Variants in MOXD1 observed in about 807,000 individuals in gnomAD.
The protein encoded by MOXD1 is monooxygenase DBH like 1.
MOXD1 carries 62 observed loss-of-function variants against 66.6 expected under a neutral mutation model. That is an observed-to-expected ratio of 0.93 (90% CI 0.76 to 1.15). The LOEUF (loss-of-function observed/expected upper bound fraction) is 1.15, where lower values mean the gene tolerates loss of function less well. Ranked by LOEUF, MOXD1 falls within the 50% of genes most tolerant of loss-of-function variation. The pLI, the probability that MOXD1 is intolerant of heterozygous loss-of-function variation, is 0.00. For synonymous variants in MOXD1, 303 were observed against 281.9 expected (o/e 1.07, Z -0.75); for missense variants, 847 against 754.6 (o/e 1.12, Z -1.44).
intron 1 of MOXD1, chr6:132,391,317 A>G (rs1183424442): frequency 6.6e-6 from 1 of 152,234 alleles, no homozygotes; most frequent in Non-Finnish European, 1.5e-5. Context: ...AATCTGATCT[A>G]TACATTATTT....
intron 4 of MOXD1, among the ~76,000 whole-genome samples, chr6:132,339,509 A>G (rs530529151): frequency 6.6e-6 from 1 of 152,332 alleles, no homozygotes; most frequent in Admixed American, 6.5e-5. Flanking sequence ...AGAGAAGCTA[A>G]AGCTATATAA....
At chr6:132,371,880 T>C (rs190501823) in intron 4 of MOXD1, among the ~76,000 whole-genome samples, 3 of 152,338 alleles carry the variant, frequency 2.0e-5, no homozygotes. Flanking sequence ...TAATTCTATC[T>C]TATTCTTTCT....
chr6:132,315,503 C>A, intron 10 of MOXD1, 132 bp downstream of exon 10: 1 of 1,065,592 alleles, frequency 9.4e-7, no homozygotes, highest in East Asian at 2.5e-5. Context: ...TTGGTCTCCC[C>A]AGTTAAAAGT....
In MOXD1 at chr6:132,359,411, G is replaced by A. The variant is rs544871966; in HGVS notation, c.663+13197C>T. 3.3e-5 allele frequency among the ~76,000 whole-genome samples: 5 copies of A among 151,644 alleles called. No homozygotes were observed. In the South Asian group the frequency reaches 8.3e-4, roughly 25 times the overall value. The stretch of plus-strand genomic sequence containing the variant: ...AAGAACTAAATGGTTACATGCACAT[G>A]TGTGCAATTAAGAGGCTGGTTTTAT... On this transcript the variant is annotated intron_variant, in intron 4 of 11. Transcript: ENST00000367963.
chr6:132,341,527 A>T (rs1053077476), intron 4 of MOXD1, among the ~76,000 whole-genome samples: 1 of 152,186 alleles, frequency 6.6e-6, no homozygotes, highest in Non-Finnish European at 1.5e-5. Context: ...AATCTGACCA[A>T]TCATATTCAA....
At chr6:132,378,996 C>T (rs549051027) in intron 1 of MOXD1, among the ~76,000 whole-genome samples, 27 of 145,782 alleles carry the variant, frequency 1.9e-4, no homozygotes, top group African/African-American at 6.7e-4. Flanking sequence ...TTACTGCAAC[C>T]TCCGCCTCCT....
At chr6:132,346,030 T>A (rs1398514328) in intron 4 of MOXD1, among the ~76,000 whole-genome samples, 1 of 152,062 alleles carries the variant, frequency 6.6e-6, no homozygotes, top group Admixed American at 6.6e-5. Flanking sequence ...GTTGTGGGTC[T>A]GTTTTTTTGT....
At position 132,372,868 on chromosome 6, in the gene MOXD1, A is replaced by G. The variant is rs754064664; in HGVS notation, c.541T>C (p.Ser181Pro). Residue 181 changes from serine (S) to proline (P), a missense_variant, in exon 3 of 12, where the codon TCT (serine) becomes CCT (proline). By Grantham distance (74) the Ser-to-Pro change is moderately conservative. Coordinates refer to ENST00000367963, the MANE Select transcript of MOXD1 (RefSeq NM_015529.4). ...LLNPEKTSVLSTALPYFDLVN... is the reference protein window; with the variant it reads ...LLNPEKTSVLPTALPYFDLVN... ...AGATCAAAGTATGGTAAGGCTGTAG[A>G]TAGCACACTAGTTTTCTCAGGATTC... 1.2e-6 allele frequency: 2 copies of G among 1,614,100 alleles called. No homozygotes were observed. Among genetic ancestry groups the G allele is most frequent in the Non-Finnish European group, 1.7e-6 (2 of 1,179,942 alleles).
At chr6:132,390,590 T>C (rs1424143360) in intron 1 of MOXD1, 1 of 151,636 alleles carries the variant, frequency 6.6e-6, no homozygotes, top group Non-Finnish European at 1.5e-5. Context: ...CATCTCGAAG[T>C]GTTCAATAAA....
Position 132,328,034 on chromosome 6 carries a change from C to G in MOXD1, c.925G>C (p.Asp309His). 1 of 1,612,942 alleles carries G rather than the reference C, an allele frequency of 6.2e-7. No individual in the cohort carries two copies. The highest frequency in any genetic ancestry group is 8.5e-7 in the Non-Finnish European group (1 of 1,179,030). Residue 309 changes from aspartate (D) to histidine (H), a missense_variant, in exon 6 of 12, where the codon GAT (aspartate) becomes CAT (histidine). Physicochemically the swap from Asp to His is moderately conservative, Grantham distance 81 (BLOSUM62 -1). Coordinates refer to ENST00000367963, the MANE Select transcript of MOXD1 (RefSeq NM_015529.4). ...PHYVLLEVHY[D>H]NPTYEEGLID... Reference sequence around the variant, plus strand: ...TCACCTTCCTCATAAGTGGGATTATCATAATGGACTTCTAGGAGCACATAA... The same window carrying G: ...TCACCTTCCTCATAAGTGGGATTATGATAATGGACTTCTAGGAGCACATAA...
At chr6:132,344,373 T>G (rs970758503) in intron 4 of MOXD1, among the ~76,000 whole-genome samples, 10 of 152,174 alleles carry the variant, frequency 6.6e-5, no homozygotes, top group African/African-American at 2.2e-4. Flanking sequence ...GTCTTCTCAG[T>G]AAATGACCTG....
intron 4 of MOXD1, among the ~76,000 whole-genome samples, chr6:132,345,614 C>A (rs1582585157): frequency 6.6e-6 from 1 of 152,000 alleles, no homozygotes. Flanking sequence ...TCTCCAAAAG[C>A]CTTTGAAAAT....
At chr6:132,378,898 TTTTTTTTTTTTTTTTTG>T (rs1776451374) in intron 1 of MOXD1, among the ~76,000 whole-genome samples, 1 of 117,664 alleles carries the variant, frequency 8.5e-6, no homozygotes, top group African/African-American at 4.0e-5. Context: ...TTTTTTTTTT[TTTTTTTTTTTTTTTTTG>T]CGACAGAGTT....
intron 4 of MOXD1, among the ~76,000 whole-genome samples, chr6:132,332,801 G>A (rs892283526): frequency 6.6e-6 from 1 of 152,180 alleles, no homozygotes; most frequent in African/African-American, 2.4e-5. Context: ...AACATTTTAA[G>A]CAGTCAACAA....
chr6:132,375,220 T>C (rs1372423537), intron 1 of MOXD1, among the ~76,000 whole-genome samples: 1 of 152,176 alleles, frequency 6.6e-6, no homozygotes, highest in Admixed American at 6.5e-5. Context: ...CACTTCACCA[T>C]TCATAAAAGC....
At chr6:132,355,208 G>T (rs1320766476) in intron 4 of MOXD1, among the ~76,000 whole-genome samples, 1 of 152,044 alleles carries the variant, frequency 6.6e-6, no homozygotes, top group Non-Finnish European at 1.5e-5. Context: ...TTCAGCTGGG[G>T]ACTTCCTTCT....
At chr6:132,322,997 T>A in intron 7 of MOXD1, 127 bp from the exon 8 acceptor site, 1 of 827,808 alleles carries the variant, frequency 1.2e-6, no homozygotes, top group Non-Finnish European at 1.8e-6. Flanking sequence ...ATGCTTGAAC[T>A]GAAAAAGAGT....
intron 4 of MOXD1, among the ~76,000 whole-genome samples, chr6:132,353,047 G>C (rs891358998): frequency 2.0e-5 from 3 of 152,124 alleles, no homozygotes; most frequent in Non-Finnish European, 4.4e-5. Context: ...TGTTAGGTGA[G>C]TCTCCTGAAG....
intron 4 of MOXD1, among the ~76,000 whole-genome samples, chr6:132,349,396 C>CATATAT (rs1416652531): frequency 2.4e-5 from 1 of 41,356 alleles, no homozygotes; most frequent in Non-Finnish European, 4.6e-5. Context: ...TATATATACA[C>CATATAT]ATATATATAC....
Sources: gnomAD v4.1 joint callset for allele counts (sites outside exome capture counted in the v4.1 genomes callset) on GRCh38, gnomAD v4.1.1 for gene constraint, MANE v1.5 for transcripts, NCBI Gene and HGNC (gene_info 2026-07-23, HGNC 2026-07-21) for gene names.